NRXN1: variants seen among roughly 807,000 people sequenced by gnomAD.
NRXN1 encodes neurexin-1.
Under a neutral mutation model 150.9 loss-of-function variants are expected in NRXN1, and 39 were observed. That is an observed-to-expected ratio of 0.26 (90% CI 0.20 to 0.34). The LOEUF (loss-of-function observed/expected upper bound fraction) is 0.34. Among genes scored for constraint, NRXN1 ranks in the 10% least tolerant of loss-of-function variants. The pLI, the probability that NRXN1 is intolerant of heterozygous loss-of-function variation, is 1.00. For synonymous variants in NRXN1, 924 were observed against 757.0 expected (o/e 1.22, Z -3.62); for missense variants, 1,815 against 1,949.9 (o/e 0.93, Z 1.30).
intron 10 of NRXN1, 106 bp downstream of exon 10, chr2:50,538,147 T>C (rs1034819923): frequency 1.5e-6 from 2 of 1,290,712 alleles, no homozygotes; most frequent in Admixed American, 2.5e-5. Context: ...CAGAGTTTAC[T>C]TCAGTAGAGT....
chr2:50,234,617 C>T (rs1394608861), intron 18 of NRXN1, among the ~76,000 whole-genome samples: 2 of 152,036 alleles, frequency 1.3e-5, no homozygotes, highest in African/African-American at 2.4e-5. Context: ...TTAATTTGAC[C>T]AGATTTGAAC....
At chr2:50,006,728 A>T (rs2152540093) in intron 21 of NRXN1, among the ~76,000 whole-genome samples, 1 of 152,268 alleles carries the variant, frequency 6.6e-6, no homozygotes, top group East Asian at 1.9e-4. Flanking sequence ...TATTCATTGT[A>T]TTGCTAAAAA....
chr2:50,611,286 T>C (rs944631456), intron 8 of NRXN1, among the ~76,000 whole-genome samples: 6 of 152,138 alleles, frequency 3.9e-5, no homozygotes, highest in African/African-American at 7.2e-5. Flanking sequence ...CATGCTATGC[T>C]AGCTTGATAT....
chr2:50,266,755 T>C (rs904675344), intron 17 of NRXN1, among the ~76,000 whole-genome samples: 2 of 152,060 alleles, frequency 1.3e-5, no homozygotes, highest in African/African-American at 4.8e-5. Context: ...GACTCTTCCC[T>C]GGCATTAATG....
chr2:50,942,970 T>C (rs757489908), intron 2 of NRXN1, among the ~76,000 whole-genome samples: 13 of 152,166 alleles, frequency 8.5e-5, no homozygotes, highest in Non-Finnish European at 1.5e-4. Flanking sequence ...CCCCATGTGT[T>C]GGAGTTAGGG....
At position 50,552,693 on chromosome 2, in the gene NRXN1, G is replaced by A. The variant is rs1667704238; in HGVS notation, c.1653C>T (p.Tyr551=). Residue 551 remains tyrosine, a synonymous_variant, in exon 9 of 23, where the codon TAC becomes TAT. Coordinates refer to ENST00000401669, the MANE Select transcript of NRXN1 (RefSeq NM_001330078.2). The part of the protein sequence containing the change: ...FAIEMLDGHL[Y]LLLDMGSGTI... ...TACCTGACCCCATGTCCAGGAGGAG[G>A]TAGAGGTGGCCATCTAGCATCTCAA... The A allele has an allele frequency of 1.2e-6, 2 of 1,613,890 alleles. No individual in the cohort carries two copies. Among genetic ancestry groups the A allele is most frequent in the Non-Finnish European group, 1.7e-6 (2 of 1,179,826 alleles).
At chr2:50,318,465 T>C (rs760232204) in intron 17 of NRXN1, among the ~76,000 whole-genome samples, 3 of 152,070 alleles carry the variant, frequency 2.0e-5, no homozygotes, top group Non-Finnish European at 2.9e-5. Flanking sequence ...TTCTTGTGCA[T>C]GATCCAGAGT....
chr2:50,739,656 A>G (rs965762747), intron 5 of NRXN1, among the ~76,000 whole-genome samples: 2 of 152,174 alleles, frequency 1.3e-5, no homozygotes, highest in African/African-American at 2.4e-5. Context: ...GTTTAAATCA[A>G]TGTTTTATTT....
intron 17 of NRXN1, among the ~76,000 whole-genome samples, chr2:50,284,912 A>T (rs1221132241): frequency 6.6e-6 from 1 of 152,172 alleles, no homozygotes; most frequent in Non-Finnish European, 1.5e-5. Flanking sequence ...CTAATTGATT[A>T]AAAAAAGAGT....
At chr2:50,479,141 G>T (rs1206929597) in intron 15 of NRXN1, among the ~76,000 whole-genome samples, 2 of 152,148 alleles carry the variant, frequency 1.3e-5, no homozygotes, top group African/African-American at 4.8e-5. Flanking sequence ...GCTAAACTTT[G>T]AACTATCTTT....
chr2:50,238,081 T>A (rs890001125), intron 17 of NRXN1, among the ~76,000 whole-genome samples: 1 of 152,190 alleles, frequency 6.6e-6, no homozygotes, highest in South Asian at 2.1e-4. Context: ...CAATTAAACC[T>A]CTTTTCTTTA....
intron 5 of NRXN1, among the ~76,000 whole-genome samples, chr2:50,724,971 G>A (rs935815541): frequency 3.3e-5 from 5 of 152,124 alleles, no homozygotes; most frequent in Non-Finnish European, 7.4e-5. Flanking sequence ...ATTCTAGGTG[G>A]TAGGATTAGA....
chr2:50,576,322 T>C (rs1317116364), intron 8 of NRXN1, among the ~76,000 whole-genome samples: 1 of 152,110 alleles, frequency 6.6e-6, no homozygotes, highest in South Asian at 2.1e-4. Context: ...TCCTGGTATA[T>C]TTCCTCCTCA....
chr2:50,514,556 CTT>C (rs1199082519), intron 12 of NRXN1, among the ~76,000 whole-genome samples: 3 of 152,178 alleles, frequency 2.0e-5, no homozygotes, highest in Non-Finnish European at 4.4e-5. Context: ...AGTCAAAACA[CTT>C]TTTCTGTAAA....
chr2:49,938,651 A>G (rs1282490501), intron 22 of NRXN1, among the ~76,000 whole-genome samples: 1 of 152,332 alleles, frequency 6.6e-6, no homozygotes, highest in Non-Finnish European at 1.5e-5. Flanking sequence ...CCACTCACAG[A>G]GAATTGACGT....
intron 18 of NRXN1, among the ~76,000 whole-genome samples, chr2:50,186,632 C>T (rs2061089970): frequency 6.6e-6 from 1 of 151,976 alleles, no homozygotes; most frequent in African/African-American, 2.4e-5. Flanking sequence ...GTAATCTTGA[C>T]AGTAAGAAGC....
chr2:50,672,323 T>C (rs760216748), intron 5 of NRXN1, among the ~76,000 whole-genome samples: 1 of 152,084 alleles, frequency 6.6e-6, no homozygotes, highest in South Asian at 2.1e-4. Flanking sequence ...ATTGTTTTTG[T>C]TTGTTTTTTA....
intron 17 of NRXN1, among the ~76,000 whole-genome samples, chr2:50,456,830 T>A (rs867380626): frequency 6.6e-6 from 1 of 152,122 alleles, no homozygotes; most frequent in African/African-American, 2.4e-5. Flanking sequence ...TAGGCCACAC[T>A]AATAACCTCC....
chr2:50,883,364 T>G (rs1449649381), intron 5 of NRXN1, among the ~76,000 whole-genome samples: 1 of 151,824 alleles, frequency 6.6e-6, no homozygotes. Context: ...TTAATTGAAG[T>G]TTTTAATCAT....
Sources: gnomAD v4.1 joint callset for allele counts (sites outside exome capture counted in the v4.1 genomes callset) on GRCh38, gnomAD v4.1.1 for gene constraint, MANE v1.5 for transcripts, NCBI Gene and HGNC (gene_info 2026-07-23, HGNC 2026-07-21) for gene names.